Variants in KCNN2 observed in about 807,000 individuals in gnomAD.
The protein encoded by KCNN2 is small conductance calcium-activated potassium channel protein 2.
In KCNN2, 24 loss-of-function variants were observed where a neutral mutation model predicts 55.5. The observed-to-expected ratio is 0.43, with a 90% CI of 0.31 to 0.61. The LOEUF (loss-of-function observed/expected upper bound fraction) is 0.61. KCNN2 is among the 20% of genes least tolerant of loss of function. KCNN2 has a pLI of 0.08. For synonymous variants in KCNN2, 431 were observed against 336.1 expected (o/e 1.28, Z -3.09); for missense variants, 754 against 853.6 (o/e 0.88, Z 1.45).
chr5:114,182,276 T>C (rs1753255538), intron 1 of KCNN2, among the ~76,000 whole-genome samples: 4 of 152,132 alleles, frequency 2.6e-5, no homozygotes, highest in Admixed American at 2.6e-4. Context: ...CCTGCTGATA[T>C]GTCTTTATTA....
At chr5:114,068,011 C>T (rs1169467099) in intron 1 of KCNN2, among the ~76,000 whole-genome samples, 3 of 152,046 alleles carry the variant, frequency 2.0e-5, no homozygotes, top group Non-Finnish European at 4.4e-5. Context: ...ACTAATTTTT[C>T]CAGGAGGGAG....
chr5:114,074,028 C>A (rs1399673388), intron 1 of KCNN2, among the ~76,000 whole-genome samples: 3 of 152,158 alleles, frequency 2.0e-5, no homozygotes, highest in Non-Finnish European at 4.4e-5. Context: ...ATATCTACAA[C>A]TTTCAGATTT....
At chr5:114,309,894 T>C (rs1167107751) in intron 2 of KCNN2, among the ~76,000 whole-genome samples, 1 of 152,160 alleles carries the variant, frequency 6.6e-6, no homozygotes, top group Non-Finnish European at 1.5e-5. Context: ...AGGTTGGATT[T>C]TGAAAGACGA....
intron 1 of KCNN2, among the ~76,000 whole-genome samples, chr5:114,095,026 T>C (rs1311986163): frequency 2.0e-5 from 3 of 152,212 alleles, no homozygotes; most frequent in African/African-American, 7.2e-5. Flanking sequence ...ATATGCAATA[T>C]GCATGAGGCC....
intron 2 of KCNN2, among the ~76,000 whole-genome samples, chr5:114,378,024 A>G (rs886876791): frequency 3.9e-5 from 6 of 152,164 alleles, no homozygotes; most frequent in Non-Finnish European, 8.8e-5. Flanking sequence ...AAAGGCAATA[A>G]TGCACCCATG....
rs947807057 is a variant in KCNN2 at position 114,300,974 on chromosome 5, G to T, written c.-184-59971G>T. ...TAGATCATGGTGTAAAAATACAAGC[G>T]AAAGCTGAAATTTATTATTTTTAGT... On this transcript the variant is annotated intron_variant, in intron 2 of 10. Coordinates refer to the KCNN2 transcript ENST00000512097. Among the ~76,000 whole-genome samples the T allele has an allele frequency of 2.6e-5, 4 of 151,940 alleles. No individual in the cohort carries two copies. The East Asian group carries it at 7.7e-4, about 29-fold the overall frequency.
chr5:114,308,186 C>G (rs1756325810), intron 2 of KCNN2, among the ~76,000 whole-genome samples: 1 of 152,128 alleles, frequency 6.6e-6, no homozygotes, highest in Non-Finnish European at 1.5e-5. Flanking sequence ...ATTACCACCA[C>G]CCACTGACCA....
At chr5:114,285,119 A>G (rs1755711867) in intron 2 of KCNN2, among the ~76,000 whole-genome samples, 1 of 150,982 alleles carries the variant, frequency 6.6e-6, no homozygotes, top group Non-Finnish European at 1.5e-5. Flanking sequence ...CGTCTCTACT[A>G]AAAAATGTAA....
At chr5:114,440,808 G>T (rs1389854603) in intron 3 of KCNN2, among the ~76,000 whole-genome samples, 5 of 136,032 alleles carry the variant, frequency 3.7e-5, no homozygotes, top group Non-Finnish European at 8.1e-5. Flanking sequence ...AGAAAAATGT[G>T]TAGTATGAAG....
At chr5:114,175,990 T>C (rs1227898221) in intron 1 of KCNN2, among the ~76,000 whole-genome samples, 1 of 152,230 alleles carries the variant, frequency 6.6e-6, no homozygotes, top group African/African-American at 2.4e-5. Flanking sequence ...TATTTCTTAT[T>C]GGAGATAATT....
rs1750301532 is a variant in KCNN2 at position 114,060,413 on chromosome 5, AGTGCCTGACATACG to A, written c.-271+3917_-271+3930del. On this transcript the variant is annotated intron_variant, in intron 1 of 10. Transcript: ENST00000512097. ...ACTGGTGTACCTTAGTGCCTGGCAC[AGTGCCTGACATACG>A]GTGTGTGAGCAGCAATTGTGAAAGG... Among the ~76,000 whole-genome samples, 4 of 152,324 alleles carry A rather than the reference AGTGCCTGACATACG, an allele frequency of 2.6e-5. 1 individual carries two copies. The South Asian group carries it at 8.3e-4, about 32-fold the overall frequency.
intron 1 of KCNN2, among the ~76,000 whole-genome samples, chr5:114,166,758 C>T (rs1053496478): frequency 6.6e-6 from 1 of 152,078 alleles, no homozygotes; most frequent in Non-Finnish European, 1.5e-5. Flanking sequence ...GTTGAAATCC[C>T]AACCCGTAAT....
intron 2 of KCNN2, among the ~76,000 whole-genome samples, chr5:114,224,204 A>C (rs1754199034): frequency 1.3e-5 from 2 of 152,190 alleles, no homozygotes; most frequent in African/African-American, 4.8e-5. Flanking sequence ...ATGGATTTGA[A>C]TCTAAGAGAC....
chr5:114,451,724 A>G (rs553338260), intron 3 of KCNN2, among the ~76,000 whole-genome samples: 69 of 152,082 alleles, frequency 4.5e-4, no homozygotes, highest in South Asian at 2.7e-3. Context: ...GTGAAACCCC[A>G]TCTCTACTAA....
intron 2 of KCNN2, among the ~76,000 whole-genome samples, chr5:114,317,764 G>T (rs1756527706): frequency 6.6e-6 from 1 of 152,214 alleles, no homozygotes; most frequent in African/African-American, 2.4e-5. Flanking sequence ...TGAAATACCA[G>T]TAGAAATAAA....
chr5:114,083,554 T>A (rs1472516849), intron 1 of KCNN2, among the ~76,000 whole-genome samples: 1 of 152,134 alleles, frequency 6.6e-6, no homozygotes, highest in Non-Finnish European at 1.5e-5. Flanking sequence ...TGGAAAAATT[T>A]TAGGTTTACA....
At chr5:114,194,873 G>A (rs1450571861) in intron 1 of KCNN2, among the ~76,000 whole-genome samples, 2 of 128,450 alleles carry the variant, frequency 1.6e-5, no homozygotes, top group South Asian at 2.7e-4. Flanking sequence ...GCATGAGAAA[G>A]GGCCTTGATT....
chr5:114,264,055 A>G (rs1186892299), intron 2 of KCNN2, among the ~76,000 whole-genome samples: 1 of 152,210 alleles, frequency 6.6e-6, no homozygotes, highest in Non-Finnish European at 1.5e-5. Flanking sequence ...CCTGACTTTT[A>G]GACTAGAAAA....
intron 1 of KCNN2, among the ~76,000 whole-genome samples, chr5:114,127,327 G>C (rs188134066): frequency 6.6e-6 from 1 of 152,136 alleles, no homozygotes; most frequent in Non-Finnish European, 1.5e-5. Flanking sequence ...ACATGCAGGC[G>C]TTTCCGTACA....
Sources: allele counts gnomAD v4.1 joint callset (sites outside exome capture counted in the v4.1 genomes callset), GRCh38; gene constraint gnomAD v4.1.1; transcripts MANE v1.5; gene names NCBI Gene and HGNC (gene_info 2026-07-23, HGNC 2026-07-21).